DLGAP2: variants seen among roughly 807,000 people sequenced by gnomAD.
The protein encoded by DLGAP2 is DLG associated protein 2.
A neutral mutation model predicts 100.3 loss-of-function variants in DLGAP2; 26 were observed. That is an observed-to-expected ratio of 0.26 (90% CI 0.19 to 0.36). The LOEUF is 0.36. Among genes scored for constraint, DLGAP2 ranks in the 10% least tolerant of loss-of-function variants. The pLI, the probability that DLGAP2 is intolerant of heterozygous loss-of-function variation, is 1.00. For synonymous variants in DLGAP2, 886 were observed against 630.1 expected, an observed-to-expected ratio of 1.41 and a Z score of -6.08; for missense variants, 1,858 against 1,453.2, an observed-to-expected ratio of 1.28 and a Z score of -4.53.
At chr8:1,012,040 C>T (rs1032017496) in intron 2 of DLGAP2, among the ~76,000 whole-genome samples, 1 of 152,190 alleles carries the variant, frequency 6.6e-6, no homozygotes, top group African/African-American at 2.4e-5. Flanking sequence ...GTTTTATAGG[C>T]CCTGCAAACA....
At chr8:1,055,250 T>G (rs1802844596) in intron 2 of DLGAP2, among the ~76,000 whole-genome samples, 2 of 152,238 alleles carry the variant, frequency 1.3e-5, no homozygotes, top group African/African-American at 4.8e-5. Flanking sequence ...TTCGGCCTGA[T>G]GAGCTCTATT....
At chr8:1,651,595 C>A (rs1206508932) in intron 8 of DLGAP2, among the ~76,000 whole-genome samples, 1 of 152,180 alleles carries the variant, frequency 6.6e-6, no homozygotes, top group Non-Finnish European at 1.5e-5. Flanking sequence ...CTGCCATGAC[C>A]ACCCCACTCC....
chr8:1,554,919 G>A (rs1801907238), intron 5 of DLGAP2, among the ~76,000 whole-genome samples: 1 of 152,192 alleles, frequency 6.6e-6, no homozygotes, highest in African/African-American at 2.4e-5. Flanking sequence ...AGTTTTAGGG[G>A]CAAAAGAGGG....
chr8:756,046 G>C (rs1475475250), intron 1 of DLGAP2, among the ~76,000 whole-genome samples: 1 of 152,228 alleles, frequency 6.6e-6, no homozygotes, highest in Non-Finnish European at 1.5e-5. Flanking sequence ...TGACAAGGCA[G>C]TTAGGGGCCA....
At chr8:799,350 G>T (rs35565671) in intron 1 of DLGAP2, among the ~76,000 whole-genome samples, 1 of 151,916 alleles carries the variant, frequency 6.6e-6, no homozygotes, top group Non-Finnish European at 1.5e-5. Flanking sequence ...GGAGTGTGGC[G>T]GGAGGGGGTT....
chr8:1,694,666 T>G (rs1282651521), intron 13 of DLGAP2, among the ~76,000 whole-genome samples: 2 of 151,738 alleles, frequency 1.3e-5, no homozygotes, highest in African/African-American at 4.8e-5. Flanking sequence ...CCCCGGGGGG[T>G]GTGTGCCTGA....
intron 2 of DLGAP2, among the ~76,000 whole-genome samples, chr8:1,159,458 G>C (rs763097111): frequency 1.2e-4 from 19 of 152,164 alleles, no homozygotes; most frequent in African/African-American, 1.9e-4. Context: ...CAATTAATAC[G>C]CAGTTATCAG....
chr8:1,199,818 G>A (rs1797830932), intron 2 of DLGAP2, among the ~76,000 whole-genome samples: 1 of 148,896 alleles, frequency 6.7e-6, no homozygotes, highest in Non-Finnish European at 1.5e-5. Context: ...TCAGATCAGT[G>A]AAGAGGGAAA....
chr8:1,651,533 G>T (rs1348468148), intron 8 of DLGAP2, among the ~76,000 whole-genome samples: 1 of 152,196 alleles, frequency 6.6e-6, no homozygotes, highest in African/African-American at 2.4e-5. Context: ...GGGGCAGCGG[G>T]CATAGCTCCA....
intron 2 of DLGAP2, among the ~76,000 whole-genome samples, chr8:954,080 A>T (rs1799542743): frequency 6.6e-6 from 1 of 152,196 alleles, no homozygotes; most frequent in Non-Finnish European, 1.5e-5. Context: ...TAATGAAAGT[A>T]GTTTTGACGT....
intron 1 of DLGAP2, among the ~76,000 whole-genome samples, chr8:768,402 A>T (rs1821268495): frequency 6.7e-6 from 1 of 148,710 alleles, no homozygotes. Flanking sequence ...AGCATGAACC[A>T]GGAGGGAAGG....
At chr8:1,485,126 G>T (rs1378578667) in intron 3 of DLGAP2, among the ~76,000 whole-genome samples, 2 of 152,206 alleles carry the variant, frequency 1.3e-5, no homozygotes, top group Non-Finnish European at 2.9e-5. Flanking sequence ...TCAGAAACAA[G>T]CTTGGAAATT....
rs898834177 is a variant in DLGAP2, at chr8:1,706,144, T to A, written c.*4738T>A. Reference sequence around the variant, plus strand: ...ACACATTCGGCTGAATGTCCCCCAGTGCAGGGTGGCAGCAGAATGTTCTGG... The same window carrying A: ...ACACATTCGGCTGAATGTCCCCCAGAGCAGGGTGGCAGCAGAATGTTCTGG... On this transcript the variant is annotated 3_prime_UTR_variant, in exon 15 of 15. Transcript: ENST00000637795. The A allele has an allele frequency of 3.3e-5, 5 of 152,364 alleles. No individual in the cohort carries two copies. The Middle Eastern group carries it at 0.01, about 311-fold the overall frequency. 9.4% of individuals were successfully genotyped at this position (152,364 alleles called of 1,614,324 possible).
chr8:1,446,933 C>T (rs926284902), intron 3 of DLGAP2, among the ~76,000 whole-genome samples: 4 of 152,128 alleles, frequency 2.6e-5, no homozygotes, highest in African/African-American at 9.7e-5. Context: ...GATTTTTGTA[C>T]ATTGATTTTG....
chr8:786,789 T>C (rs940177569), intron 1 of DLGAP2, among the ~76,000 whole-genome samples: 2 of 151,368 alleles, frequency 1.3e-5, no homozygotes, highest in African/African-American at 2.4e-5. Context: ...GTTGGAAGCA[T>C]CATGAACCTT....
chr8:1,318,538 A>G (rs1383642710), intron 3 of DLGAP2, among the ~76,000 whole-genome samples: 1 of 150,922 alleles, frequency 6.6e-6, no homozygotes, highest in Non-Finnish European at 1.5e-5. Flanking sequence ...AGGCCTCCAC[A>G]GGAGGCCTGT....
chr8:1,028,074 A>AG, intron 2 of DLGAP2, among the ~76,000 whole-genome samples: 1 of 33,178 alleles, frequency 3.0e-5, no homozygotes, highest in Non-Finnish European at 5.8e-5. Flanking sequence ...TGGGGTGCCA[A>AG]GCGCCCGTTA....
Position 1,186,560 on chromosome 8 carries a change from G to A in DLGAP2, c.74-72291G>A, listed in dbSNP as rs560844526. 3.9e-5 allele frequency among the ~76,000 whole-genome samples: 6 copies of A among 152,282 alleles called. No individual in the cohort carries two copies. The South Asian group carries it at 8.3e-4, about 21-fold the overall frequency. On this transcript the variant is annotated intron_variant, in intron 2 of 14. Transcript: ENST00000637795. ...AAGCGTCCTGATAACCCTGAGAGAT[G>A]TTATTACGGCCATTCCCTTTTTGTC...
intron 2 of DLGAP2, among the ~76,000 whole-genome samples, chr8:1,222,640 G>A (rs1798338199): frequency 6.6e-6 from 1 of 152,062 alleles, no homozygotes; most frequent in Non-Finnish European, 1.5e-5. Context: ...GGTGTACACG[G>A]TGGGGGGAGG....
Sources: allele counts gnomAD v4.1 joint callset (sites outside exome capture counted in the v4.1 genomes callset), GRCh38; gene constraint gnomAD v4.1.1; transcripts MANE v1.5; gene names NCBI Gene and HGNC (gene_info 2026-07-23, HGNC 2026-07-21).